Variants in MAP7D2 observed in about 807,000 individuals in gnomAD.
MAP7D2 encodes MAP7 domain containing 2.
A neutral mutation model predicts 63.5 loss-of-function variants in MAP7D2; 33 were observed. That is an observed-to-expected ratio of 0.52 (90% CI 0.39 to 0.70). The LOEUF is 0.70. Ranked by LOEUF, MAP7D2 falls within the 30% of genes least tolerant of loss-of-function variation. The probability of loss-of-function intolerance (pLI) is 0.00; values close to 1 mark genes in which losing one functional copy is unlikely to be tolerated. For synonymous variants in MAP7D2, 224 were observed against 223.7 expected (o/e 1.00, Z -0.01); for missense variants, 626 against 604.0 (o/e 1.04, Z -0.38).
chrX:20,017,898 A>C (rs181433157), intron 10 of MAP7D2, among the ~76,000 whole-genome samples: 95 of 111,494 alleles, frequency 8.5e-4, no homozygotes, highest in African/African-American at 3.0e-3. Context: ...ATTGTGTATT[A>C]ATTAATGTAT....
chrX:20,015,168 A>C lies in MAP7D2; in HGVS notation c.1749+55T>G. ...TTCTATCCAATCACTGCAGAAGAGA[A>C]CTGGATTTACTTCCTGTTCACTTAC... is the stretch of plus-strand genomic sequence containing the variant. On this transcript the variant is annotated intron_variant, in intron 12 of 16. Transcript: ENST00000379643. 3 of 927,263 alleles carry C rather than the reference A, an allele frequency of 3.2e-6. No homozygotes were observed. In the Admixed American group the frequency reaches 6.7e-5, roughly 21 times the overall value. 76.4% of individuals were successfully genotyped at this position (927,263 alleles called of 1,213,427 possible). A position where few individuals can be genotyped will look rare whatever the true frequency, so the allele number is the denominator to read the frequency against.
intron 8 of MAP7D2, among the ~76,000 whole-genome samples, chrX:20,039,468 T>C (rs2064590064): frequency 8.9e-6 from 1 of 112,261 alleles, no homozygotes. Context: ...CCTTATTATT[T>C]GTCTTTATTT....
In MAP7D2 at chrX:20,007,253, C is replaced by G. The variant is rs2073039291; in HGVS notation, c.*1172G>C. 8.9e-6 allele frequency: 1 copy of G among 112,433 alleles called. No individual in the cohort carries two copies. Among genetic ancestry groups the G allele is most frequent in the South Asian group, 3.6e-4 (1 of 2,743 alleles). 9.3% of individuals were successfully genotyped at this position (112,433 alleles called of 1,213,427 possible). A position where few individuals can be genotyped will look rare whatever the true frequency, so the allele number is the denominator to read the frequency against. ...CTTTGTATCTCCTGGTTGCAAACCTCTCTCAGAATTATGAATCTTTCCAAA... is the reference window on the plus strand; with the variant it reads ...CTTTGTATCTCCTGGTTGCAAACCTGTCTCAGAATTATGAATCTTTCCAAA... On this transcript the variant is annotated 3_prime_UTR_variant, in exon 17 of 17. Coordinates refer to ENST00000379643, the MANE Select transcript of MAP7D2 (RefSeq NM_001168465.2).
chrX:20,011,434 T>C (rs1170997161), intron 15 of MAP7D2, among the ~76,000 whole-genome samples: 1 of 112,497 alleles, frequency 8.9e-6, no homozygotes, highest in Non-Finnish European at 1.9e-5. Context: ...CAAAGCAAGT[T>C]GAAGAAGAAC....
chrX:20,063,558 G>A lies in MAP7D2; in HGVS notation c.228C>T (p.Ile76=). 2 of 1,211,394 alleles carry A rather than the reference G, an allele frequency of 1.7e-6. No individual in the cohort carries two copies. Among genetic ancestry groups the A allele is most frequent in the Non-Finnish European group, 2.2e-6 (2 of 895,330 alleles). ...GCCTGGCTCTTTTCTGTTTCTCCAG[G>A]ATCTGTTGCTCCCGAGCAGCTGGGG... ...EKCLAAREQQ[I]LEKQKRARLQ... The change falls in exon 3 of 17, where the codon ATC becomes ATT. Residue 76 remains isoleucine, a synonymous_variant. Coordinates refer to ENST00000379643, the MANE Select transcript of MAP7D2 (RefSeq NM_001168465.2).
intron 1 of MAP7D2, among the ~76,000 whole-genome samples, chrX:20,101,036 AC>A (rs1405634519): frequency 9.2e-6 from 1 of 109,097 alleles, no homozygotes; most frequent in East Asian, 2.8e-4. Context: ...AAAAAAAAAA[AC>A]AAACAAACAA....
chrX:20,036,577 CAT>C (rs1173121762), intron 8 of MAP7D2, among the ~76,000 whole-genome samples: 1 of 106,712 alleles, frequency 9.4e-6, no homozygotes, highest in Non-Finnish European at 1.9e-5. Flanking sequence ...CAAACCTGCA[CAT>C]GTGCCCCTGA....
chrX:20,023,866 C>T (rs182961010), intron 10 of MAP7D2, among the ~76,000 whole-genome samples: 1 of 111,491 alleles, frequency 9.0e-6, no homozygotes, highest in East Asian at 2.8e-4. Context: ...AAACAAAACA[C>T]GTCTGTATTG....
Position 20,050,963 on chromosome X carries a change from A to T in MAP7D2, c.596-17T>A. 1.8e-6 allele frequency: 2 copies of T among 1,121,293 alleles called. No individual in the cohort carries two copies. Among genetic ancestry groups the T allele is most frequent in the Non-Finnish European group, 2.3e-6 (2 of 853,473 alleles). The allele number at this position is 1,121,293 out of a possible 1,213,427, so 92.4% of individuals were successfully genotyped here. A position where few individuals can be genotyped will look rare whatever the true frequency, so the allele number is the denominator to read the frequency against. ...TGTGATGAGCTGAGGGATGGAATCA[A>T]ATGAAAATTTTAAAAAGCAAAATTA... is the stretch of plus-strand genomic sequence containing the variant. On this transcript the variant is annotated splice_polypyrimidine_tract_variant and intron_variant, in intron 5 of 16. Transcript: ENST00000379643.
intron 8 of MAP7D2, among the ~76,000 whole-genome samples, chrX:20,028,558 G>A (rs899338813): frequency 8.9e-6 from 1 of 111,769 alleles, no homozygotes; most frequent in Non-Finnish European, 1.9e-5. Context: ...AGCTGAGCCT[G>A]CATTTAGTCT....
intron 8 of MAP7D2, among the ~76,000 whole-genome samples, chrX:20,033,969 A>G (rs1357701164): frequency 9.0e-6 from 1 of 111,449 alleles, no homozygotes; most frequent in African/African-American, 3.3e-5. Context: ...TCACACCTGT[A>G]ATCACAGCAC....
chrX:20,041,139 A>C (rs2064644715), intron 8 of MAP7D2, among the ~76,000 whole-genome samples: 2 of 111,705 alleles, frequency 1.8e-5, no homozygotes, highest in South Asian at 7.5e-4. Flanking sequence ...GTCTCAGCGT[A>C]AACTAGGCTT....
At chrX:20,100,258 T>C (rs1345358964) in intron 1 of MAP7D2, among the ~76,000 whole-genome samples, 1 of 112,211 alleles carries the variant, frequency 8.9e-6, no homozygotes, top group East Asian at 2.8e-4. Flanking sequence ...ATGCACTGCC[T>C]GGGGTGGCAG....
At position 20,010,906 on chromosome X, in the gene MAP7D2, G is replaced by C. The variant is rs745317933; in HGVS notation, c.2219C>G (p.Pro740Arg). ...GCTGAGATTTTCACTGGATCTCTTG[G>C]GGAATGTCGGGGGACCAGTGAAATC... ...LLDFTGPPTF[P>R]KRSSENLSLD... The change falls in exon 16 of 17, where the codon CCC becomes CGC. Residue 740 changes from proline (P) to arginine (R), a missense_variant. Physicochemically the swap from Pro to Arg is moderately radical, Grantham distance 103 (BLOSUM62 -2). Transcript: ENST00000379643. The C allele has an allele frequency of 6.6e-6, 8 of 1,210,930 alleles. No individual in the cohort carries two copies. The highest frequency in any genetic ancestry group is 8.9e-6 in the Non-Finnish European group (8 of 895,309).
intron 10 of MAP7D2, among the ~76,000 whole-genome samples, chrX:20,020,430 T>G (rs371626252): frequency 1.9e-4 from 21 of 111,789 alleles, no homozygotes; most frequent in African/African-American, 6.2e-4. Flanking sequence ...GGCTGCTTTG[T>G]CTCTATCCTA....
intron 1 of MAP7D2, among the ~76,000 whole-genome samples, chrX:20,096,081 C>CAAAAAAAAAAAAAAAAAAAAAAA (rs1208579984): frequency 6.7e-5 from 1 of 14,895 alleles, no homozygotes; most frequent in Admixed American, 9.6e-4. Flanking sequence ...GACTCTTCCT[C>CAAAAAAAAAAAAAAAAAAAAAAA]AAAAAAAAAA....
At chrX:20,061,091 C>T (rs143533078) in intron 3 of MAP7D2, among the ~76,000 whole-genome samples, 1 of 89,919 alleles carries the variant, frequency 1.1e-5, no homozygotes, top group Non-Finnish European at 2.1e-5. Flanking sequence ...AGAGGCTTTT[C>T]TCTGGCTGAC....
chrX:20,024,894 C>T, intron 10 of MAP7D2, 57 bp downstream of exon 10: 1 of 1,157,421 alleles, frequency 8.6e-7, no homozygotes, highest in Admixed American at 2.4e-5. Context: ...AGGCAAGCTG[C>T]TCTTTCCAAC....
At chrX:20,060,956 G>A (rs1359872024) in intron 3 of MAP7D2, among the ~76,000 whole-genome samples, 1 of 108,769 alleles carries the variant, frequency 9.2e-6, no homozygotes, top group Non-Finnish European at 1.9e-5. Flanking sequence ...GCTGGGGTGG[G>A]GTCAACAGGC....
Sources: gnomAD v4.1 joint callset for allele counts (sites outside exome capture counted in the v4.1 genomes callset) on GRCh38, gnomAD v4.1.1 for gene constraint, MANE v1.5 for transcripts, NCBI Gene and HGNC (gene_info 2026-07-23, HGNC 2026-07-21) for gene names.